Variants in CANX observed in about 807,000 individuals in gnomAD.
CANX encodes calnexin.
A neutral mutation model predicts 75.7 loss-of-function variants in CANX; 14 were observed. The observed-to-expected ratio is 0.19, with a 90% CI of 0.12 to 0.29. The LOEUF (loss-of-function observed/expected upper bound fraction) is 0.29. Ranked by LOEUF, CANX falls within the 10% of genes least tolerant of loss-of-function variation. CANX has a pLI of 1.00. For synonymous variants in CANX, 227 were observed against 236.9 expected (o/e 0.96, Z 0.38); for missense variants, 567 against 713.2 (o/e 0.79, Z 2.34).
At position 179,716,149 on chromosome 5, in the gene CANX, G is replaced by T; in HGVS notation, c.766G>T (p.Val256Leu). 1 of 1,612,984 alleles carries T rather than the reference G, an allele frequency of 6.2e-7. No individual in the cohort carries two copies. The highest frequency in any genetic ancestry group is 8.5e-7 in the Non-Finnish European group (1 of 1,178,934). The change falls in exon 8 of 15, where the codon GTG becomes TTG. Residue 256 changes from valine (V) to leucine (L), a missense_variant. Physicochemically the swap from Val to Leu is conservative, Grantham distance 32 (BLOSUM62 1). Transcript: ENST00000247461. ...NSFEILVDQS[V>L]VNSGNLLNDM... is the part of the protein sequence containing the mutation. ...TTTTGAAATACTGGTTGACCAATCT[G>T]TGGTGAATAGTGGAAATCTGCTCAA... is the stretch of plus-strand genomic sequence containing the variant.
chr5:179,726,838 T>A (rs1778706481), intron 14 of CANX, 79 bp downstream of exon 14: 1 of 1,072,146 alleles, frequency 9.3e-7, no homozygotes, highest in Non-Finnish European at 1.4e-6. Flanking sequence ...AATAGGGTAG[T>A]TTACAGTGGC....
chr5:179,723,836 A>C (rs1469821238), intron 12 of CANX, 57 bp downstream of exon 12: 1 of 1,465,620 alleles, frequency 6.8e-7, no homozygotes, highest in Non-Finnish European at 9.3e-7. Flanking sequence ...GTGATTATTA[A>C]AAATAACTAA....
chr5:179,691,113 C>T (rs1185933782), intron 1 of CANX, among the ~76,000 whole-genome samples: 1 of 151,872 alleles, frequency 6.6e-6, no homozygotes, highest in African/African-American at 2.4e-5. Context: ...GCAACTTCTG[C>T]CTCCCAGGTT....
intron 7 of CANX, 125 bp downstream of exon 7, chr5:179,710,190 A>G: frequency 1.7e-6 from 1 of 582,600 alleles, no homozygotes; most frequent in Admixed American, 3.3e-5. Flanking sequence ...TGGGAGGCCG[A>G]GATGGGCAGA....
intron 1 of CANX, among the ~76,000 whole-genome samples, chr5:179,682,539 C>T (rs954240630): frequency 2.0e-5 from 3 of 151,636 alleles, no homozygotes; most frequent in East Asian, 1.9e-4. Flanking sequence ...GGAGAAACAC[C>T]ATCTCTTCTC....
chr5:179,703,195 G>A (rs1400594326), intron 1 of CANX, among the ~76,000 whole-genome samples: 1 of 151,724 alleles, frequency 6.6e-6, no homozygotes, highest in African/African-American at 2.4e-5. Flanking sequence ...TTATTGGCGT[G>A]AGCCACCGCG....
At chr5:179,686,614 C>G (rs1174534371) in intron 1 of CANX, among the ~76,000 whole-genome samples, 1 of 151,974 alleles carries the variant, frequency 6.6e-6, no homozygotes, top group Non-Finnish European at 1.5e-5. Flanking sequence ...AGGGAGGCAC[C>G]ACTACACCCT....
chr5:179,688,277 T>A (rs1443317070), intron 1 of CANX, among the ~76,000 whole-genome samples: 5 of 151,254 alleles, frequency 3.3e-5, no homozygotes, highest in Non-Finnish European at 7.4e-5. Flanking sequence ...ATGGTCTTGA[T>A]CTCTTGACCT....
chr5:179,678,896 C>T, intron 1 of CANX: 2 of 1,535,148 alleles, frequency 1.3e-6, no homozygotes, highest in Non-Finnish European at 1.7e-6. Context: ...CTCAGTGGTC[C>T]ACCGCCCGCC....
chr5:179,700,681 C>G (rs1206673837), intron 1 of CANX: 1 of 153,382 alleles, frequency 6.5e-6, no homozygotes, highest in South Asian at 2.1e-4. Context: ...GCATTATCTT[C>G]TCAGGGCCAC....
At position 179,731,341 on chromosome 5, in the gene CANX, G is replaced by A. The variant is rs140788068; in HGVS notation, c.*2697G>A. ...ACTTTAGGGGTATTTTTGAAAGTTA[G>A]CCCAGTTTTTTATGTGCTATTAAAT... On this transcript the variant is annotated 3_prime_UTR_variant, in exon 15 of 15. Transcript: ENST00000247461. Among the ~76,000 whole-genome samples the A allele has an allele frequency of 2.6e-4, 39 of 152,060 alleles. No homozygotes were observed. Among genetic ancestry groups the A allele is most frequent in the African/African-American group, 7.7e-4 (32 of 41,522 alleles).
At chr5:179,711,092 A>G (rs539831824) in intron 7 of CANX, among the ~76,000 whole-genome samples, 34 of 152,066 alleles carry the variant, frequency 2.2e-4, no homozygotes, top group Middle Eastern at 3.4e-3. Flanking sequence ...TCACTTTAGT[A>G]TCTTAGTTGG....
rs761726457 is a variant in CANX, at chr5:179,722,790, AT to A, written c.1183-5del. The A allele has an allele frequency of 6.6e-5, 101 of 1,536,646 alleles. No individual in the cohort carries two copies. The highest frequency in any genetic ancestry group is 1.9e-4 in the African/African-American group (14 of 72,668). On this transcript the variant is annotated splice_polypyrimidine_tract_variant and intron_variant, in intron 10 of 14. Transcript: ENST00000247461. ...ATTATCTGAAATGATTTTCTGAAAC[AT>A]TTTTTTTTCTAGGGAATCTGGAAAC...
rs769057808 is a variant in CANX at position 179,719,568 on chromosome 5, A to T, written c.912-100A>T. 154 of 555,110 alleles carry T rather than the reference A, an allele frequency of 2.8e-4. 1 individual carries two copies. Among genetic ancestry groups the T allele is most frequent in the Non-Finnish European group, 4.1e-4 (128 of 314,536 alleles). The allele number at this position is 555,110 out of a possible 1,614,324, so 34.4% of individuals were successfully genotyped here. On this transcript the variant is annotated intron_variant, in intron 8 of 14. Coordinates refer to ENST00000247461, the MANE Select transcript of CANX (RefSeq NM_001746.4). ...AAGAGGAATTATTTTAAATTTTGAGATTAAAAACAAATTTTTTTAGAATAC... is the reference window on the plus strand; with the variant it reads ...AAGAGGAATTATTTTAAATTTTGAGTTTAAAAACAAATTTTTTTAGAATAC...
At chr5:179,695,522 C>G (rs1029776456), upstream of CANX, among the ~76,000 whole-genome samples, 9 of 148,656 alleles carry the variant, frequency 6.1e-5, no homozygotes, top group African/African-American at 2.3e-4. Context: ...AGAGACAGGG[C>G]TTCTCCATGT....
chr5:179,717,755 G>A (rs7713126), intron 8 of CANX, among the ~76,000 whole-genome samples: 6,226 of 149,696 alleles, frequency 0.042, 193 homozygotes, highest in Non-Finnish European at 0.059. Context: ...TAGCTCTGTC[G>A]CCCAGGCTGG....
At chr5:179,678,979 CGTGTT>C (rs1312627657) in intron 1 of CANX, 1 of 1,535,788 alleles carries the variant, frequency 6.5e-7, no homozygotes, top group Non-Finnish European at 8.7e-7. Flanking sequence ...CGGCCTGGCG[CGTGTT>C]GTGGTCCAGC....
intron 1 of CANX, among the ~76,000 whole-genome samples, chr5:179,681,975 C>T (rs1215741509): frequency 6.9e-6 from 1 of 144,484 alleles, no homozygotes; most frequent in East Asian, 2.0e-4. Flanking sequence ...GAGGGCCAGG[C>T]GCGATGTTTC....
At chr5:179,709,277 G>A (rs1336077034) in intron 6 of CANX, among the ~76,000 whole-genome samples, 1 of 152,122 alleles carries the variant, frequency 6.6e-6, no homozygotes, top group East Asian at 1.9e-4. Context: ...AGCCAGGCGT[G>A]GTGGCAGGCG....
Sources: gnomAD v4.1 joint callset for allele counts (sites outside exome capture counted in the v4.1 genomes callset) on GRCh38, gnomAD v4.1.1 for gene constraint, MANE v1.5 for transcripts, NCBI Gene and HGNC (gene_info 2026-07-23, HGNC 2026-07-21) for gene names.